SCRN1: variants seen among roughly 807,000 people sequenced by gnomAD.
SCRN1 encodes secernin 1, also known as secernin-1.
In SCRN1, 19 loss-of-function variants were observed where a neutral mutation model predicts 43.3. That is an observed-to-expected ratio of 0.44 (90% CI 0.31 to 0.64). The LOEUF is 0.64. SCRN1 is among the 30% of genes least tolerant of loss of function. The pLI is 0.09. For missense variants in SCRN1, 447 were observed against 524.1 expected, an observed-to-expected ratio of 0.85 and a Z score of 1.44; for synonymous variants, 183 against 188.9, an observed-to-expected ratio of 0.97 and a Z score of 0.26.
chr7:29,972,196 A>G (rs1206878118), intron 1 of SCRN1, among the ~76,000 whole-genome samples: 1 of 152,232 alleles, frequency 6.6e-6, no homozygotes, highest in East Asian at 1.9e-4. Flanking sequence ...GGAGACAAAT[A>G]AAGTGAAACA....
chr7:29,984,638 A>G (rs1234857732), intron 1 of SCRN1, among the ~76,000 whole-genome samples: 2 of 152,058 alleles, frequency 1.3e-5, no homozygotes, highest in Non-Finnish European at 1.5e-5. Context: ...TTAGAGAATT[A>G]CAAATTAAAG....
chr7:29,957,719 C>T (rs1162253458), intron 2 of SCRN1, among the ~76,000 whole-genome samples: 2 of 152,098 alleles, frequency 1.3e-5, no homozygotes, highest in Non-Finnish European at 2.9e-5. Context: ...CCGCATGGTC[C>T]GCTAGAGGCT....
At chr7:29,951,971 A>G (rs1787943510) in intron 3 of SCRN1, among the ~76,000 whole-genome samples, 1 of 152,206 alleles carries the variant, frequency 6.6e-6, no homozygotes. Context: ...TTGAAAGAGC[A>G]TGTGAAATGG....
At chr7:29,964,903 C>G (rs1346562695) in intron 2 of SCRN1, among the ~76,000 whole-genome samples, 1 of 152,024 alleles carries the variant, frequency 6.6e-6, no homozygotes, top group Admixed American at 6.6e-5. Context: ...GATTGTGCAA[C>G]TGCACTCTAG....
At chr7:29,982,299 A>AT (rs1369167631) in intron 1 of SCRN1, among the ~76,000 whole-genome samples, 2 of 152,164 alleles carry the variant, frequency 1.3e-5, no homozygotes, top group African/African-American at 4.8e-5. Flanking sequence ...ACATATACAT[A>AT]TATGTGTGTG....
chr7:29,951,388 G>C (rs1787914663), intron 3 of SCRN1, among the ~76,000 whole-genome samples: 1 of 152,188 alleles, frequency 6.6e-6, no homozygotes, highest in African/African-American at 2.4e-5. Flanking sequence ...CATAAGCTGA[G>C]TACAGTGTGC....
In SCRN1 at chr7:29,921,293, A is replaced by G. The variant is rs897398113; in HGVS notation, c.*2664T>C. On this transcript the variant is annotated 3_prime_UTR_variant, in exon 8 of 8. Transcript: ENST00000242059. ...CATCTTGAATATTCATGTTCCCTAT[A>G]CTGCCTTCAGAAAAGCAATCCCTGG... 6.6e-6 allele frequency: 1 copy of G among 152,564 alleles called. No individual in the cohort carries two copies. Among genetic ancestry groups the G allele is most frequent in the Non-Finnish European group, 1.5e-5 (1 of 68,050 alleles). 9.5% of individuals were successfully genotyped at this position (152,564 alleles called of 1,614,324 possible).
chr7:29,925,359 T>C (rs1221726426), intron 7 of SCRN1, among the ~76,000 whole-genome samples: 44 of 152,292 alleles, frequency 2.9e-4, no homozygotes. Flanking sequence ...ATATCCTTTT[T>C]CTATAGTCCA....
chr7:29,929,756 T>C (rs1298138425), intron 6 of SCRN1, among the ~76,000 whole-genome samples: 1 of 152,252 alleles, frequency 6.6e-6, no homozygotes, highest in Non-Finnish European at 1.5e-5. Context: ...CTACAACTCG[T>C]TTATTTCTAT....
chr7:29,951,292 A>G (rs577122664), intron 3 of SCRN1, among the ~76,000 whole-genome samples: 1 of 152,356 alleles, frequency 6.6e-6, no homozygotes, highest in South Asian at 2.1e-4. Context: ...GGCTGTGTGC[A>G]GTGGCTGGAC....
At chr7:29,939,892 G>A (rs1787472678) in intron 5 of SCRN1, among the ~76,000 whole-genome samples, 1 of 151,894 alleles carries the variant, frequency 6.6e-6, no homozygotes, top group East Asian at 1.9e-4. Flanking sequence ...GCTTAGGCCT[G>A]TAATCCCAGC....
chr7:29,926,754 G>T, intron 6 of SCRN1, 122 bp from the exon 7 acceptor site: 15 of 609,918 alleles, frequency 2.5e-5, no homozygotes, highest in East Asian at 3.8e-5. Context: ...GGGTGTGGGT[G>T]ACGGGTGGGT....
At chr7:29,959,919 C>CA (rs1788250556) in intron 2 of SCRN1, among the ~76,000 whole-genome samples, 1 of 114,260 alleles carries the variant, frequency 8.8e-6, no homozygotes, top group South Asian at 3.0e-4. Context: ...TAGAAGAAAA[C>CA]AAAAAAAGAA....
intron 3 of SCRN1, among the ~76,000 whole-genome samples, chr7:29,951,232 T>A (rs530588211): frequency 6.6e-6 from 1 of 152,232 alleles, no homozygotes; most frequent in South Asian, 2.1e-4. Flanking sequence ...ACAGAGCTAG[T>A]GCCTGTGCCA....
chr7:29,985,178 G>A (rs1789112521), intron 1 of SCRN1, among the ~76,000 whole-genome samples: 1 of 143,656 alleles, frequency 7.0e-6, no homozygotes. Flanking sequence ...GACTGAGGCA[G>A]GCGGATCATG....
upstream of SCRN1, chr7:29,989,886 C>G: frequency 2.9e-6 from 3 of 1,043,282 alleles, no homozygotes; most frequent in Non-Finnish European, 3.5e-6. Context: ...CCACCCCGGC[C>G]CCCGGGGCCC....
intron 1 of SCRN1, among the ~76,000 whole-genome samples, chr7:29,988,449 T>C (rs1789234034): frequency 6.6e-6 from 1 of 152,220 alleles, no homozygotes; most frequent in African/African-American, 2.4e-5. Context: ...GCTCCAAGAA[T>C]CACTCTCTAC....
intron 2 of SCRN1, among the ~76,000 whole-genome samples, chr7:29,967,786 T>C (rs898231879): frequency 1.3e-5 from 2 of 152,130 alleles, no homozygotes; most frequent in African/African-American, 4.8e-5. Flanking sequence ...TATAAAAATA[T>C]ACCTGAAAAC....
intron 5 of SCRN1, among the ~76,000 whole-genome samples, chr7:29,938,365 T>G (rs1787412471): frequency 6.6e-6 from 1 of 152,220 alleles, no homozygotes; most frequent in Non-Finnish European, 1.5e-5. Flanking sequence ...TCATCTTTCC[T>G]GTAGTTTCGC....
Sources: gnomAD v4.1 joint callset for allele counts (sites outside exome capture counted in the v4.1 genomes callset) on GRCh38, gnomAD v4.1.1 for gene constraint, MANE v1.5 for transcripts, NCBI Gene and HGNC (gene_info 2026-07-23, HGNC 2026-07-21) for gene names.